Variants in PHACTR1 observed in about 807,000 individuals in gnomAD.
PHACTR1 encodes phosphatase and actin regulator 1.
A neutral mutation model predicts 69.2 loss-of-function variants in PHACTR1; 16 were observed. The observed-to-expected ratio is 0.23, with a 90% CI of 0.16 to 0.35. The LOEUF (loss-of-function observed/expected upper bound fraction) is 0.35. Among genes scored for constraint, PHACTR1 ranks in the 10% least tolerant of loss-of-function variants. The probability of loss-of-function intolerance (pLI) is 1.00; values close to 1 mark genes in which losing one functional copy is unlikely to be tolerated. For synonymous variants in PHACTR1, 312 were observed against 284.5 expected (o/e 1.10, Z -0.97); for missense variants, 510 against 734.7 (o/e 0.69, Z 3.54).
chr6:13,180,631 A>G (rs1327645641), intron 6 of PHACTR1, among the ~76,000 whole-genome samples: 1 of 152,236 alleles, frequency 6.6e-6, no homozygotes, highest in African/African-American at 2.4e-5. Context: ...CAGCACTTTT[A>G]TTATACTTTG....
intron 5 of PHACTR1, among the ~76,000 whole-genome samples, chr6:13,067,213 A>G (rs1309828429): frequency 6.6e-6 from 1 of 152,214 alleles, no homozygotes; most frequent in Admixed American, 6.5e-5. Flanking sequence ...TGAATCTTGC[A>G]TCAGACCCAT....
Position 12,932,553 on chromosome 6 carries a change from A to T in PHACTR1, c.251-120812A>T, listed in dbSNP as rs543524684. ...CTTGTCAAGAAATCCTCAATCTTAG[A>T]TCATTCTGGTTATTGTTTGTATACA... On this transcript the variant is annotated intron_variant, in intron 4 of 14. Coordinates refer to ENST00000332995, the MANE Select transcript of PHACTR1 (RefSeq NM_030948.6). Among the ~76,000 whole-genome samples, 16 of 152,298 alleles carry T rather than the reference A, an allele frequency of 1.1e-4. No homozygotes were observed. In the South Asian group the frequency reaches 2.9e-3, roughly 28 times the overall value.
chr6:12,812,253 T>A (rs1296120290), intron 4 of PHACTR1, among the ~76,000 whole-genome samples: 1 of 152,236 alleles, frequency 6.6e-6, no homozygotes, highest in Non-Finnish European at 1.5e-5. Flanking sequence ...TCATACAGTA[T>A]GTGACTTTTG....
At chr6:12,843,623 T>G (rs1200369316) in intron 4 of PHACTR1, among the ~76,000 whole-genome samples, 2 of 152,188 alleles carry the variant, frequency 1.3e-5, no homozygotes, top group Non-Finnish European at 2.9e-5. Flanking sequence ...GACAACTTCT[T>G]CTCAATGCCA....
At chr6:13,170,081 AT>A (rs1760367737) in intron 6 of PHACTR1, among the ~76,000 whole-genome samples, 1 of 152,182 alleles carries the variant, frequency 6.6e-6, no homozygotes. Context: ...TGGTGACAAG[AT>A]GGCTGCAGCA....
At chr6:13,026,219 T>C (rs1485662091) in intron 4 of PHACTR1, among the ~76,000 whole-genome samples, 1 of 152,010 alleles carries the variant, frequency 6.6e-6, no homozygotes, top group African/African-American at 2.4e-5. Flanking sequence ...AATCTAAGAG[T>C]GCAATTCCTG....
chr6:12,856,339 C>T lies in PHACTR1; in HGVS notation c.250+106549C>T, dbSNP rs555582830. 3.2e-3 allele frequency among the ~76,000 whole-genome samples: 489 copies of T among 151,304 alleles called. 4 individuals are homozygous for T. Among genetic ancestry groups the T allele is most frequent in the South Asian group, 0.014 (67 of 4,780 alleles). ...CGCGATCTCGGCTTACTGCAAGCTC[C>T]GCCTCCCAGGCTCAAGTGATTCTCC... On this transcript the variant is annotated intron_variant, in intron 4 of 14. Coordinates refer to ENST00000332995, the MANE Select transcript of PHACTR1 (RefSeq NM_030948.6).
At chr6:12,731,102 G>A (rs550659985) in intron 3 of PHACTR1, among the ~76,000 whole-genome samples, 128 of 151,802 alleles carry the variant, frequency 8.4e-4, no homozygotes, top group African/African-American at 3.0e-3. Context: ...TGCAACCTCT[G>A]CCTCCTGGGT....
At chr6:12,884,679 G>A (rs1280746827) in intron 4 of PHACTR1, among the ~76,000 whole-genome samples, 2 of 152,166 alleles carry the variant, frequency 1.3e-5, no homozygotes, top group Non-Finnish European at 2.9e-5. Flanking sequence ...GGGGTTACAG[G>A]CGTAAGCCAC....
At chr6:13,147,916 C>A (rs1182434571) in intron 5 of PHACTR1, among the ~76,000 whole-genome samples, 2 of 152,148 alleles carry the variant, frequency 1.3e-5, no homozygotes, top group African/African-American at 4.8e-5. Context: ...GTAAATATTG[C>A]CAGCACCTGG....
In PHACTR1 at chr6:13,110,908, GTTTTTGT is replaced by G. The variant is rs567660247; in HGVS notation, c.416-49276_416-49270del. Among the ~76,000 whole-genome samples the G allele has an allele frequency of 2.7e-3, 405 of 152,084 alleles. 2 individuals carry two copies. Among genetic ancestry groups the G allele is most frequent in the Non-Finnish European group, 3.8e-3 (260 of 67,974 alleles). ...CTTCCTGCAGAGTTTTGTGCCCTGG[GTTTTTGT>G]TTTTTGTTTTTTGTTTTTTTTCCTT... On this transcript the variant is annotated intron_variant, in intron 5 of 14. Transcript: ENST00000332995.
chr6:12,816,171 T>C (rs1775556341), intron 4 of PHACTR1, among the ~76,000 whole-genome samples: 1 of 152,206 alleles, frequency 6.6e-6, no homozygotes, highest in Non-Finnish European at 1.5e-5. Flanking sequence ...TTCATGAACA[T>C]TGGCATTAAC....
At chr6:12,931,359 A>T (rs963866033) in intron 4 of PHACTR1, among the ~76,000 whole-genome samples, 2 of 152,118 alleles carry the variant, frequency 1.3e-5, no homozygotes, top group African/African-American at 4.8e-5. Flanking sequence ...GGTCATACCT[A>T]CCTGCAGGGA....
intron 12 of PHACTR1, among the ~76,000 whole-genome samples, chr6:13,278,556 T>C (rs9381884): frequency 0.16 from 24,054 of 152,218 alleles, 2,202 homozygotes; most frequent in South Asian, 0.31. Flanking sequence ...CCCACCTACT[T>C]CCTAACAACT....
intron 5 of PHACTR1, among the ~76,000 whole-genome samples, chr6:13,100,315 AT>A (rs1418462394): frequency 6.6e-6 from 1 of 151,974 alleles, no homozygotes; most frequent in African/African-American, 2.4e-5. Context: ...GTCTGTAGTG[AT>A]TTTTTTTCTA....
intron 8 of PHACTR1, among the ~76,000 whole-genome samples, chr6:13,206,757 C>T (rs915437164): frequency 2.6e-5 from 4 of 152,270 alleles, no homozygotes; most frequent in Middle Eastern, 3.4e-3. Flanking sequence ...GGCACACTTA[C>T]ACCCACACCC....
intron 3 of PHACTR1, among the ~76,000 whole-genome samples, chr6:12,748,328 G>A (rs753138322): frequency 7.9e-5 from 12 of 152,320 alleles, no homozygotes; most frequent in Middle Eastern, 3.4e-3. Flanking sequence ...AGAACTGACC[G>A]CTGAAGTGGA....
chr6:12,745,424 G>T (rs115682449), intron 3 of PHACTR1, among the ~76,000 whole-genome samples: 1,973 of 152,246 alleles, frequency 0.013, 43 homozygotes, highest in African/African-American at 0.045. Flanking sequence ...CAGTGGGGTG[G>T]GGAGGGTGCA....
intron 4 of PHACTR1, among the ~76,000 whole-genome samples, chr6:12,820,870 A>C (rs1053576616): frequency 6.6e-6 from 1 of 152,220 alleles, no homozygotes; most frequent in Non-Finnish European, 1.5e-5. Context: ...CATCATTACC[A>C]TCACCAAAAC....
Sources: gnomAD v4.1 joint callset for allele counts (sites outside exome capture counted in the v4.1 genomes callset) on GRCh38, gnomAD v4.1.1 for gene constraint, MANE v1.5 for transcripts, NCBI Gene and HGNC (gene_info 2026-07-23, HGNC 2026-07-21) for gene names.